CABLES1: variants seen among roughly 807,000 people sequenced by gnomAD.
CABLES1 encodes the protein Cdk5 and Abl enzyme substrate 1.
In CABLES1, 36 loss-of-function variants were observed where a neutral mutation model predicts 57.8. The ratio of observed to expected loss-of-function variants is 0.62; its 90% confidence interval spans 0.48 to 0.82. The LOEUF (loss-of-function observed/expected upper bound fraction) is 0.82. CABLES1 is among the 40% of genes least tolerant of loss of function. The pLI, the probability that CABLES1 is intolerant of heterozygous loss-of-function variation, is 0.00. For synonymous variants in CABLES1, 374 were observed against 363.0 expected, an observed-to-expected ratio of 1.03 and a Z score of -0.35; for missense variants, 767 against 836.6, an observed-to-expected ratio of 0.92 and a Z score of 1.03.
At chr18:23,157,738 C>T (rs926398682) in intron 1 of CABLES1, among the ~76,000 whole-genome samples, 5 of 152,116 alleles carry the variant, frequency 3.3e-5, no homozygotes, top group African/African-American at 9.7e-5. Flanking sequence ...CATAGTGACA[C>T]GTGCTTATAG....
At chr18:23,248,542 A>G (rs1177079705) in intron 7 of CABLES1, among the ~76,000 whole-genome samples, 1 of 102,402 alleles carries the variant, frequency 9.8e-6, no homozygotes, top group South Asian at 2.7e-4. Flanking sequence ...TTTTTTTAAA[A>G]AAAGGCTGGA....
At chr18:23,195,135 C>G (rs569452426) in intron 3 of CABLES1, among the ~76,000 whole-genome samples, 1 of 152,148 alleles carries the variant, frequency 6.6e-6, no homozygotes, top group Non-Finnish European at 1.5e-5. Flanking sequence ...TTTATATGAC[C>G]GTGATATTAA....
intron 3 of CABLES1, among the ~76,000 whole-genome samples, chr18:23,212,307 A>G (rs564816341): frequency 1.5e-4 from 23 of 152,364 alleles, no homozygotes; most frequent in Admixed American, 1.4e-3. Flanking sequence ...GTATGGGCTC[A>G]TGTACTCTTA....
chr18:23,136,130 C>G lies in CABLES1; in HGVS notation c.368C>G (p.Ala123Gly). Reference sequence around the variant, plus strand: ...GAGCGGGGCGGCTGCATCGCGCTCGCCGCGCCGGGCACGCCGGCTGCGGGG... The same window carrying G: ...GAGCGGGGCGGCTGCATCGCGCTCGGCGCGCCGGGCACGCCGGCTGCGGGG... ...AAERGGCIAL[A>G]APGTPAAGLA... Residue 123 changes from alanine (A) to glycine (G), a missense_variant, in exon 1 of 10, where the codon GCC (alanine) becomes GGC (glycine). Ala to Gly is a moderately conservative substitution (Grantham distance 60). Coordinates refer to ENST00000256925, the MANE Select transcript of CABLES1 (RefSeq NM_001100619.3). 8.3e-7 allele frequency: 1 copy of G among 1,198,368 alleles called. No homozygotes were observed. The highest frequency in any genetic ancestry group is 1.0e-6 in the Non-Finnish European group (1 of 966,676). The allele number at this position is 1,198,368 out of a possible 1,614,324, so 74.2% of individuals were successfully genotyped here.
rs543822879 is a variant in CABLES1 at position 23,217,368 on chromosome 18, C to T, written c.1088+3314C>T. On this transcript the variant is annotated intron_variant, in intron 4 of 9. Transcript: ENST00000256925. ...AAAGTGTTGGGATTACAGGTGTAAG[C>T]CACTGTACCCAGCTAGAAGAGGATT... Among the ~76,000 whole-genome samples, 3 of 152,262 alleles carry T rather than the reference C, an allele frequency of 2.0e-5. No individual in the cohort carries two copies. In the East Asian group the frequency reaches 5.8e-4, roughly 29 times the overall value.
At chr18:23,208,251 C>T (rs2047378599) in intron 3 of CABLES1, among the ~76,000 whole-genome samples, 1 of 152,232 alleles carries the variant, frequency 6.6e-6, no homozygotes, top group Non-Finnish European at 1.5e-5. Flanking sequence ...TACCAATTCT[C>T]CACTTTGCCC....
intron 3 of CABLES1, among the ~76,000 whole-genome samples, chr18:23,203,561 C>T (rs750882498): frequency 6.6e-6 from 1 of 152,078 alleles, no homozygotes; most frequent in Non-Finnish European, 1.5e-5. Context: ...CAAGCTGGAG[C>T]CTTTCCTTGT....
In CABLES1 at chr18:23,237,229, T is replaced by C; in HGVS notation, c.1430T>C (p.Ile477Thr). ...TGTGGCAAACACAAACGCGTTCTGA[T>C]CTTCCCTTCCTACATGGTGAGTAGC... ...WPCGKHKRVL[I>T]FPSYMTTVID... Residue 477 changes from isoleucine (I) to threonine (T), a missense_variant, in exon 7 of 10, where the codon ATC becomes ACC. Around this residue, in one of 4 missense-constraint regions of CABLES1, gnomAD observed 529 missense variants for 622.8 expected, o/e 0.85. Coordinates refer to ENST00000256925, the MANE Select transcript of CABLES1 (RefSeq NM_001100619.3). 3.7e-6 allele frequency: 6 copies of C among 1,610,816 alleles called. No individual in the cohort carries two copies. Among genetic ancestry groups the C allele is most frequent in the Non-Finnish European group, 4.2e-6 (5 of 1,176,964 alleles).
chr18:23,160,804 C>T (rs151010501), intron 1 of CABLES1, among the ~76,000 whole-genome samples: 1,631 of 151,716 alleles, frequency 0.011, 19 homozygotes, highest in Non-Finnish European at 0.019. Flanking sequence ...GAGGCCAAGG[C>T]GGGCAGATCA....
intron 4 of CABLES1, among the ~76,000 whole-genome samples, chr18:23,220,993 C>A (rs551430285): frequency 7.7e-4 from 117 of 152,308 alleles, no homozygotes; most frequent in African/African-American, 2.7e-3. Context: ...GCTCATGACC[C>A]TGAAGTGCTG....
At chr18:23,235,833 A>G in intron 5 of CABLES1, 62 bp from the exon 6 acceptor site, 3 of 1,509,346 alleles carry the variant, frequency 2.0e-6, no homozygotes, top group South Asian at 2.3e-5. Context: ...TAGCTTGATC[A>G]GAATGCAGAG....
At chr18:23,212,196 G>A (rs1465464796) in intron 3 of CABLES1, among the ~76,000 whole-genome samples, 1 of 152,258 alleles carries the variant, frequency 6.6e-6, no homozygotes, top group Non-Finnish European at 1.5e-5. Context: ...GACTAGGCTG[G>A]AAAACCTGAA....
chr18:23,156,045 T>C (rs2046963484), intron 1 of CABLES1: 2 of 1,429,960 alleles, frequency 1.4e-6, no homozygotes, highest in South Asian at 2.3e-5. Flanking sequence ...TGTTGGAAAT[T>C]GATCTCTGAG....
intron 1 of CABLES1, among the ~76,000 whole-genome samples, chr18:23,152,089 C>A: frequency 6.6e-6 from 1 of 152,164 alleles, no homozygotes; most frequent in Non-Finnish European, 1.5e-5. Flanking sequence ...TTAGCTTGAT[C>A]CAGTGTTATG....
chr18:23,243,468 G>GTTTTTTT (rs551293348), intron 7 of CABLES1, among the ~76,000 whole-genome samples: 2 of 101,878 alleles, frequency 2.0e-5, no homozygotes, highest in African/African-American at 7.3e-5. Context: ...TGGGTTTGGT[G>GTTTTTTT]TTTTTTTTTT....
At chr18:23,228,078 C>T (rs1316727227) in intron 4 of CABLES1, among the ~76,000 whole-genome samples, 1 of 152,078 alleles carries the variant, frequency 6.6e-6, no homozygotes, top group Non-Finnish European at 1.5e-5. Flanking sequence ...CATCTAGTTT[C>T]CAGGTGTTAG....
intron 4 of CABLES1, among the ~76,000 whole-genome samples, chr18:23,230,712 C>T (rs539357872): frequency 6.6e-6 from 1 of 152,162 alleles, no homozygotes; most frequent in Non-Finnish European, 1.5e-5. Context: ...TGTAAACCCC[C>T]CTTCTACAAG....
intron 7 of CABLES1, among the ~76,000 whole-genome samples, chr18:23,238,482 C>T (rs2047660399): frequency 6.6e-6 from 1 of 152,118 alleles, no homozygotes. Flanking sequence ...ACTCATGCCC[C>T]AACTTCTAAC....
At chr18:23,246,088 A>T (rs1320098898) in intron 7 of CABLES1, among the ~76,000 whole-genome samples, 3 of 152,060 alleles carry the variant, frequency 2.0e-5, no homozygotes, top group South Asian at 2.1e-4. Flanking sequence ...CAACGGTGTA[A>T]CCCTGTCTCT....
Sources: allele counts gnomAD v4.1 joint callset (sites outside exome capture counted in the v4.1 genomes callset), GRCh38; gene constraint gnomAD v4.1.1; regional missense constraint gnomAD v4.1.1; transcripts MANE v1.5; gene names NCBI Gene and HGNC (gene_info 2026-07-23, HGNC 2026-07-21).